The following MYO7A variants were observed in gnomAD, a reference collection of about 807,000 sequenced individuals.
The protein encoded by MYO7A is myosin VIIA.
MYO7A carries 210 observed loss-of-function variants against 263.8 expected under a neutral mutation model. The ratio of observed to expected loss-of-function variants is 0.80; its 90% CI spans 0.71 to 0.89. The LOEUF (loss-of-function observed/expected upper bound fraction) is 0.89. Among genes scored for constraint, MYO7A ranks in the 40% least tolerant of loss-of-function variants. The pLI is 0.00. For missense variants in MYO7A, 2,820 were observed against 2,968.3 expected, an observed-to-expected ratio of 0.95 and a Z score of 1.16; for synonymous variants, 1,239 against 1,197.3, an observed-to-expected ratio of 1.03 and a Z score of -0.72.
intron 4 of MYO7A, among the ~76,000 whole-genome samples, chr11:77,154,361 C>G (rs549242491): frequency 6.6e-6 from 1 of 152,240 alleles, no homozygotes; most frequent in South Asian, 2.1e-4. Context: ...GCTGAGGGGT[C>G]TGAGAGCAGG....
Position 77,192,020 on chromosome 11 carries a change from G to C in MYO7A, c.3925-31G>C, listed in dbSNP as rs761529925. On this transcript the variant is annotated intron_variant, in intron 30 of 48. Transcript: ENST00000409709. ...CTCCTCATAGTCCTTCCCTGACTCTGTGCCTGCTCCCCTCCCCTCTGTGCC... is the reference window on the plus strand; with the variant it reads ...CTCCTCATAGTCCTTCCCTGACTCTCTGCCTGCTCCCCTCCCCTCTGTGCC... 4 of 1,589,414 alleles carry C rather than the reference G, an allele frequency of 2.5e-6. No homozygotes were observed. In the African/African-American group the frequency reaches 4.0e-5, roughly 16 times the overall value.
At position 77,195,731 on chromosome 11, in the gene MYO7A, A is replaced by T. The variant is rs547573686; in HGVS notation, c.4323+1207A>T. 1.3e-5 allele frequency among the ~76,000 whole-genome samples: 2 copies of T among 152,334 alleles called. 1 individual carries two copies. The highest frequency in any genetic ancestry group is 4.1e-4 in the South Asian group (2 of 4,824). ...CCCAGAGCCCTGGGCCAGGCCCCAC[A>T]TAGAATGGACAGTTGTGAATCACAG... On this transcript the variant is annotated intron_variant, in intron 32 of 48. Transcript: ENST00000409709.
intron 46 of MYO7A, chr11:77,212,302 C>A (rs755130553): frequency 2.5e-5 from 10 of 406,772 alleles, no homozygotes; most frequent in Non-Finnish European, 2.9e-5. Context: ...CCAGGCAGAC[C>A]CTGGAAAGAG....
Position 77,182,016 on chromosome 11 carries a change from C to G in MYO7A, c.2970C>G (p.Asp990Glu), listed in dbSNP as rs782703928. 1 of 1,613,276 alleles carries G rather than the reference C, an allele frequency of 6.2e-7. No homozygotes were observed. The highest frequency in any genetic ancestry group is 2.2e-5 in the East Asian group (1 of 44,864). Residue 990 changes from aspartate to glutamate, a missense_variant, in exon 24 of 49, where the codon GAC (aspartate) becomes GAG (glutamate). Transcript: ENST00000409709. ...EDLDAALPLP[D>E]EDEEDLSEYK... is the part of the protein sequence containing the mutation. ...TGGATGCAGCCCTGCCCCTGCCTGA[C>G]GAGGATGAGGAGGACCTCTCTGAGT...
intron 15 of MYO7A, among the ~76,000 whole-genome samples, chr11:77,172,190 C>G (rs1954160277): frequency 6.6e-6 from 1 of 152,246 alleles, no homozygotes; most frequent in African/African-American, 2.4e-5. Flanking sequence ...GCCCTGACCT[C>G]TGACCCTTGT....
At chr11:77,132,156 T>TTG (rs781785375) in intron 2 of MYO7A, among the ~76,000 whole-genome samples, 1 of 151,864 alleles carries the variant, frequency 6.6e-6, no homozygotes, top group Non-Finnish European at 1.5e-5. Context: ...GCTTCCCCTC[T>TTG]TGCCTGGCTG....
Position 77,175,365 on chromosome 11 carries a change from A to G in MYO7A, c.2095-7A>G. On this transcript the variant is annotated splice_region_variant and splice_polypyrimidine_tract_variant and intron_variant, in intron 17 of 48. Transcript: ENST00000409709. ...CCATTCCCTTGTGTTCCCCATCCTCACTCCAGGGCGACCTCCGCGGGACTT... is the reference window on the plus strand; with the variant it reads ...CCATTCCCTTGTGTTCCCCATCCTCGCTCCAGGGCGACCTCCGCGGGACTT... The G allele has an allele frequency of 6.2e-7, 1 of 1,612,280 alleles. No homozygotes were observed. Among genetic ancestry groups the G allele is most frequent in the Non-Finnish European group, 8.5e-7 (1 of 1,179,586 alleles).
intron 3 of MYO7A, 124 bp from the exon 4 acceptor site, chr11:77,147,674 C>G: frequency 7.9e-7 from 1 of 1,264,182 alleles, no homozygotes. Context: ...GTCTGGCTGC[C>G]AGAGAGGTCG....
chr11:77,213,314 G>A (rs1462109786), intron 47 of MYO7A, among the ~76,000 whole-genome samples: 1 of 152,240 alleles, frequency 6.6e-6, no homozygotes, highest in East Asian at 1.9e-4. Context: ...TGCCCATGCA[G>A]GTCATGGGGC....
At chr11:77,168,355 C>A (rs782421487) in intron 15 of MYO7A, among the ~76,000 whole-genome samples, 3 of 152,216 alleles carry the variant, frequency 2.0e-5, no homozygotes, top group Non-Finnish European at 4.4e-5. Context: ...AATTAGGATA[C>A]AACAGTGACC....
rs1437675358 is a variant in MYO7A, at chr11:77,157,448, GCTGGCTA to G, written c.849+60_849+66del. 7.4e-6 allele frequency: 9 copies of G among 1,219,210 alleles called. No individual in the cohort carries two copies. The Admixed American group carries it at 1.1e-4, about 15-fold the overall frequency. The allele number at this position is 1,219,210 out of a possible 1,614,324, so 75.5% of individuals were successfully genotyped here. A position where few individuals can be genotyped will look rare whatever the true frequency, so the allele number is the denominator to read the frequency against. On this transcript the variant is annotated intron_variant, in intron 8 of 48. Transcript: ENST00000409709. The stretch of plus-strand genomic sequence containing the variant: ...GGCACCCACCCTAGGATTGTAGGGA[GCTGGCTA>G]CTGCAGACTCAGCCTTGAGGTCTCA...
At chr11:77,129,379 G>C (rs1950697652) in intron 1 of MYO7A, among the ~76,000 whole-genome samples, 1 of 152,212 alleles carries the variant, frequency 6.6e-6, no homozygotes. Flanking sequence ...GCAGTGTCAT[G>C]GGCAGAGGAT....
intron 32 of MYO7A, 65 bp from the exon 33 acceptor site, chr11:77,197,416 G>T: frequency 7.7e-7 from 1 of 1,293,052 alleles, no homozygotes; most frequent in Non-Finnish European, 1.1e-6. Context: ...GGCAGCAGCA[G>T]CTGATTTTTA....
rs551150879 is a variant in MYO7A at position 77,212,795 on chromosome 11, C to T, written c.6355-157C>T. On this transcript the variant is annotated intron_variant, in intron 46 of 48. Transcript: ENST00000409709. ...ATGTGGGGCAGCACTGAGGGCCCAG[C>T]GGAGGTGGAAGCCATAGGTCATGGC... is the stretch of plus-strand genomic sequence containing the variant. 4.4e-4 allele frequency: 294 copies of T among 662,436 alleles called. 1 individual carries two copies. In the South Asian group the frequency reaches 4.9e-3, roughly 11 times the overall value. The allele number at this position is 662,436 out of a possible 1,614,324, so 41.0% of individuals were successfully genotyped here.
At chr11:77,179,601 C>CT in intron 20 of MYO7A, 134 bp from the exon 21 acceptor site, 1 of 727,696 alleles carries the variant, frequency 1.4e-6, no homozygotes, top group Non-Finnish European at 2.2e-6. Flanking sequence ...GGGCACTAAT[C>CT]TGAGAGGAGA....
At position 77,204,154 on chromosome 11, in the gene MYO7A, G is replaced by A. The variant is rs1957275491; in HGVS notation, c.5405G>A (p.Gly1802Asp). ...VNELTDQIFE[G>D]PLKAEPLKDE... The stretch of plus-strand genomic sequence containing the variant: ...GAGCTCACCGACCAGATCTTTGAGG[G>A]TCCCCTGAAAGCCGAGCCCCTGAAG... The change falls in exon 39 of 49, where the codon GGT becomes GAT. Residue 1802 changes from glycine (G) to aspartate (D), a missense_variant. Transcript: ENST00000409709. The A allele has an allele frequency of 1.3e-6, 2 of 1,595,822 alleles. No individual in the cohort carries two copies. The highest frequency in any genetic ancestry group is 1.3e-5 in the African/African-American group (1 of 74,398).
Position 77,161,123 on chromosome 11 carries a change from G to T in MYO7A, c.1343+8G>T, listed in dbSNP as rs2276278. 64 of 1,613,534 alleles carry T rather than the reference G, an allele frequency of 4.0e-5. No homozygotes were observed. The Middle Eastern group carries it at 1.2e-3, about 29-fold the overall frequency. ...GAACTTTGCTGTGAACAGGTACCGC[G>T]TGGGGCTCTGCTCATGGGAATTTCC... is the stretch of plus-strand genomic sequence containing the variant. On this transcript the variant is annotated splice_region_variant and intron_variant, in intron 12 of 48. Coordinates refer to ENST00000409709, the MANE Select transcript of MYO7A (RefSeq NM_000260.4).
chr11:77,138,671 G>C lies in MYO7A; in HGVS notation c.19-4038G>C, dbSNP rs1485103821. On this transcript the variant is annotated intron_variant, in intron 2 of 48. Transcript: ENST00000409709. The surrounding 1 kb of genome is among the most constrained non-coding windows in gnomAD (Gnocchi z 4.9). ...AGCCAGGCAGGCCAGGTCTGGGCGG[G>C]GGTGTCCTGCATTTGCTGAGATCCA... is the stretch of plus-strand genomic sequence containing the variant. Among the ~76,000 whole-genome samples, 1 of 152,198 alleles carries C rather than the reference G, an allele frequency of 6.6e-6. No homozygotes were observed. Among genetic ancestry groups the C allele is most frequent in the Non-Finnish European group, 1.5e-5 (1 of 68,024 alleles).
At chr11:77,195,215 C>T (rs867579210) in intron 32 of MYO7A, among the ~76,000 whole-genome samples, 4 of 152,286 alleles carry the variant, frequency 2.6e-5, no homozygotes, top group Admixed American at 6.5e-5. Flanking sequence ...TCCACCTGAC[C>T]GTGTGCCTTC....
Sources: allele counts gnomAD v4.1 joint callset (sites outside exome capture counted in the v4.1 genomes callset), GRCh38; gene constraint gnomAD v4.1.1; non-coding constraint Gnocchi (gnomAD v3.1); transcripts MANE v1.5; gene names NCBI Gene and HGNC (gene_info 2026-07-23, HGNC 2026-07-21).